Variants in ZBTB38 observed in about 807,000 individuals in gnomAD.
ZBTB38 encodes zinc finger and BTB domain containing 38.
In ZBTB38, 20 loss-of-function variants were observed where a neutral mutation model predicts 76.8. That is an observed-to-expected ratio of 0.26 (90% CI 0.18 to 0.38). The LOEUF (loss-of-function observed/expected upper bound fraction) is 0.38, where lower values mean the gene tolerates loss of function less well. ZBTB38 is among the 10% of genes least tolerant of loss of function. The probability of loss-of-function intolerance (pLI) is 1.00; values close to 1 mark genes in which losing one functional copy is unlikely to be tolerated. For missense variants in ZBTB38, 1,082 were observed against 1,482.3 expected (o/e 0.73, Z 4.43); for synonymous variants, 504 against 544.2 (o/e 0.93, Z 1.03).
chr3:141,366,664 G>A (rs1943979002), upstream of ZBTB38: 1 of 152,202 alleles, frequency 6.6e-6, no homozygotes, highest in Non-Finnish European at 1.5e-5. Flanking sequence ...AGGCATCAGA[G>A]GCATAGATTG....
chr3:141,413,392 A>G lies in ZBTB38; in HGVS notation c.-1+9361A>G, dbSNP rs896199353. Among the ~76,000 whole-genome samples, 1 of 151,892 alleles carries G rather than the reference A, an allele frequency of 6.6e-6. No individual in the cohort carries two copies. The highest frequency in any genetic ancestry group is 1.5e-5 in the Non-Finnish European group (1 of 67,962). On this transcript the variant is annotated intron_variant, in intron 5 of 5. Transcript: ENST00000321464. The surrounding 1 kb of genome is among the most constrained non-coding windows in gnomAD (Gnocchi z 4.1). ...AATCTGCTTCCTGGGTTTAGCCACC[A>G]TTTTCATTGAGCAGTTCTGAGGATT...
intron 5 of ZBTB38, chr3:141,431,712 G>A (rs773248469): frequency 6.6e-6 from 1 of 152,148 alleles, no homozygotes; most frequent in African/African-American, 2.4e-5. Flanking sequence ...ACCTTTTCCA[G>A]ATAATAGGTG....
chr3:141,337,723 G>A (rs1465748608), intron 1 of ZBTB38, among the ~76,000 whole-genome samples: 1 of 152,156 alleles, frequency 6.6e-6, no homozygotes, highest in Non-Finnish European at 1.5e-5. Context: ...GTAATTACAG[G>A]TCTATGAATT....
chr3:141,346,779 G>GTT (rs1553760842), intron 1 of ZBTB38, among the ~76,000 whole-genome samples: 2,964 of 85,564 alleles, frequency 0.035, 47 homozygotes, highest in Non-Finnish European at 0.038. Flanking sequence ...TTTTTGTTTT[G>GTT]TTTTGTGTGT....
intron 5 of ZBTB38, among the ~76,000 whole-genome samples, chr3:141,440,046 T>C (rs2079756724): frequency 6.6e-6 from 1 of 152,254 alleles, no homozygotes; most frequent in Non-Finnish European, 1.5e-5. Flanking sequence ...TTCCATTTCA[T>C]TTCATTCTAG....
chr3:141,382,981 C>A (rs185491690), intron 3 of ZBTB38, among the ~76,000 whole-genome samples: 41 of 152,314 alleles, frequency 2.7e-4, no homozygotes, highest in African/African-American at 9.1e-4. Context: ...CCTAAGTCTG[C>A]TATTTACTGT....
chr3:141,422,266 T>C (rs1303413563), intron 5 of ZBTB38, among the ~76,000 whole-genome samples: 1 of 152,192 alleles, frequency 6.6e-6, no homozygotes, highest in East Asian at 1.9e-4. Flanking sequence ...GGGAGCCCCA[T>C]GCCCCTTTCT....
intron 1 of ZBTB38, among the ~76,000 whole-genome samples, chr3:141,340,713 T>C (rs1332533844): frequency 1.3e-5 from 2 of 151,676 alleles, no homozygotes; most frequent in African/African-American, 2.4e-5. Flanking sequence ...CTGGCTGACA[T>C]GGTGAAACCC....
At chr3:141,431,341 A>AAAAAAAATATATATATATATATATATAT in intron 5 of ZBTB38, among the ~76,000 whole-genome samples, 2 of 103,286 alleles carry the variant, frequency 1.9e-5, no homozygotes, top group African/African-American at 1.2e-4. Flanking sequence ...AAAAAAAAAA[A>AAAAAAAATATATATATATATATATATAT]ATATATATAT....
chr3:141,443,301 A>T lies in ZBTB38; in HGVS notation c.913A>T (p.Thr305Ser). The change falls in exon 6 of 6, where the codon ACT (threonine) becomes TCT (serine). Residue 305 changes from threonine to serine, a missense_variant. Physicochemically the swap from Thr to Ser is moderately conservative, Grantham distance 58. Around this residue, in one of 8 missense-constraint regions of ZBTB38, gnomAD observed 324 missense variants for 359.1 expected, o/e 0.90. Coordinates refer to ENST00000321464, the MANE Select transcript of ZBTB38 (RefSeq NM_001376113.1). This position sits in a 1 kb window ranked among gnomAD's most constrained non-coding sequence, Gnocchi z 5.6. The part of the protein sequence containing the change: ...ERSPQPAAVL[T>S]RSKSPNNEGD... The stretch of plus-strand genomic sequence containing the variant: ...AAGTCCACAACCAGCTGCTGTTCTC[A>T]CTCGTTCAAAATCTCCAAACAATGA... 6.2e-7 allele frequency: 1 copy of T among 1,614,172 alleles called. No individual in the cohort carries two copies. The highest frequency in any genetic ancestry group is 8.5e-7 in the Non-Finnish European group (1 of 1,180,028).
At chr3:141,431,840 T>C (rs2077690390) in intron 5 of ZBTB38, 1 of 152,696 alleles carries the variant, frequency 6.5e-6, no homozygotes, top group African/African-American at 2.4e-5. Context: ...ACACGATGCC[T>C]TCTTGAATCT....
chr3:141,330,682 G>A (rs1433067636), intron 1 of ZBTB38, among the ~76,000 whole-genome samples: 1 of 152,202 alleles, frequency 6.6e-6, no homozygotes, highest in Non-Finnish European at 1.5e-5. Context: ...ATCCCCAATG[G>A]GGCAGTATTG....
At chr3:141,435,632 C>T (rs1420421536) in intron 5 of ZBTB38, among the ~76,000 whole-genome samples, 2 of 151,900 alleles carry the variant, frequency 1.3e-5, no homozygotes, top group Admixed American at 6.6e-5. Context: ...CGGTGGCACA[C>T]ACCTGTAATC....
intron 4 of ZBTB38, among the ~76,000 whole-genome samples, chr3:141,401,772 C>A (rs1033683061): frequency 6.6e-6 from 1 of 152,164 alleles, no homozygotes; most frequent in African/African-American, 2.4e-5. Flanking sequence ...AATGAGCAGC[C>A]CCTGGATCTT....
In ZBTB38 at chr3:141,442,907, A is replaced by G. The variant is rs1211330718; in HGVS notation, c.519A>G (p.Thr173=). ...CAAATGCATTTTCCATCATCGAAACAGAAAATAGTAATAACATGTTTTCCC... is the reference window on the plus strand; with the variant it reads ...CAAATGCATTTTCCATCATCGAAACGGAAAATAGTAATAACATGTTTTCCC... ...RITNAFSIIE[T]ENSNNMFSPL... is the part of the protein sequence containing the mutation. Residue 173 remains threonine, a synonymous_variant, in exon 6 of 6, where the codon ACA becomes ACG. Transcript: ENST00000321464. This position sits in a 1 kb window ranked among gnomAD's most constrained non-coding sequence, Gnocchi z 6.4. 1.9e-6 allele frequency: 3 copies of G among 1,614,152 alleles called. No homozygotes were observed. The highest frequency in any genetic ancestry group is 2.7e-5 in the African/African-American group (2 of 74,948).
At chr3:141,417,430 G>A (rs1369014442) in intron 5 of ZBTB38, among the ~76,000 whole-genome samples, 2 of 152,142 alleles carry the variant, frequency 1.3e-5, no homozygotes, top group African/African-American at 4.8e-5. Flanking sequence ...TTTGATCTGG[G>A]CTCCTGACCT....
chr3:141,356,641 C>T (rs1156630543), intron 1 of ZBTB38, among the ~76,000 whole-genome samples: 1 of 151,390 alleles, frequency 6.6e-6, no homozygotes, highest in Non-Finnish European at 1.5e-5. Flanking sequence ...AGCATCTCGT[C>T]CCCCTCCCTG....
At chr3:141,356,401 A>G (rs1943664790) in intron 1 of ZBTB38, among the ~76,000 whole-genome samples, 1 of 152,096 alleles carries the variant, frequency 6.6e-6, no homozygotes. Context: ...TCTCACTCAT[A>G]CAAAAGTGTT....
intron 3 of ZBTB38, among the ~76,000 whole-genome samples, chr3:141,382,982 T>A (rs1054852449): frequency 6.6e-6 from 1 of 152,264 alleles, no homozygotes; most frequent in African/African-American, 2.4e-5. Context: ...CTAAGTCTGC[T>A]ATTTACTGTG....
Sources: gnomAD v4.1 joint callset for allele counts (sites outside exome capture counted in the v4.1 genomes callset) on GRCh38, gnomAD v4.1.1 for gene constraint, gnomAD v4.1.1 regional missense constraint, Gnocchi (gnomAD v3.1) non-coding constraint, MANE v1.5 for transcripts, NCBI Gene and HGNC (gene_info 2026-07-23, HGNC 2026-07-21) for gene names.